Variants in BSCL2 observed in about 807,000 individuals in gnomAD.
BSCL2 encodes the protein seipin.
BSCL2 carries 41 observed loss-of-function variants against 57.4 expected under a neutral mutation model. The ratio of observed to expected loss-of-function variants is 0.71; its 90% CI spans 0.56 to 0.93. The LOEUF (loss-of-function observed/expected upper bound fraction) is 0.93. BSCL2 is among the 40% of genes least tolerant of loss of function. The probability of loss-of-function intolerance (pLI) is 0.00; values close to 1 mark genes in which losing one functional copy is unlikely to be tolerated. For missense variants in BSCL2, 539 were observed against 586.7 expected, an observed-to-expected ratio of 0.92 and a Z score of 0.84; for synonymous variants, 237 against 227.3, an observed-to-expected ratio of 1.04 and a Z score of -0.38.
In BSCL2 at chr11:62,691,144, G is replaced by A. The variant is rs1223426831; in HGVS notation, c.1006-3C>T. ...TTGTCTCTTTTTCGGATGTTAACCTGTGGAGGAAAAACTACTGAGCAGCCA... is the reference window on the plus strand; with the variant it reads ...TTGTCTCTTTTTCGGATGTTAACCTATGGAGGAAAAACTACTGAGCAGCCA... On this transcript the variant is annotated splice_region_variant and splice_polypyrimidine_tract_variant and intron_variant, in intron 7 of 10. Transcript: ENST00000360796. 4 of 1,614,204 alleles carry A rather than the reference G, an allele frequency of 2.5e-6. No individual in the cohort carries two copies. The highest frequency in any genetic ancestry group is 3.4e-6 in the Non-Finnish European group (4 of 1,180,038).
chr11:62,704,531 G>T (rs1362419660), intron 2 of BSCL2, among the ~76,000 whole-genome samples: 1 of 151,794 alleles, frequency 6.6e-6, no homozygotes, highest in African/African-American at 2.4e-5. Flanking sequence ...GGGCGACAGA[G>T]CAAGACTCCA....
In BSCL2 at chr11:62,705,303, G is replaced by A. The variant is rs557044760; in HGVS notation, c.402C>T (p.Tyr134=). Residue 134 remains tyrosine (Y), a splice_region_variant and synonymous_variant, in exon 2 of 11, where the codon TAC becomes TAT. Transcript: ENST00000360796. The part of the protein sequence containing the change: ...VSHLSPVHFY[Y]RTDCDSSTTS... ...TTTTGATAGAAGGCCCCTCTCACCT[G>A]TAGTAGAAATGCACAGGGCTGAGGT... is the stretch of plus-strand genomic sequence containing the variant. The A allele has an allele frequency of 5.0e-6, 8 of 1,609,882 alleles. No individual in the cohort carries two copies. The highest frequency in any genetic ancestry group is 3.3e-4 in the Middle Eastern group (2 of 6,054).
chr11:62,699,252 C>A (rs1214411658), intron 3 of BSCL2, among the ~76,000 whole-genome samples: 2 of 151,314 alleles, frequency 1.3e-5, no homozygotes, highest in Non-Finnish European at 2.9e-5. Flanking sequence ...GGCTGGAGTG[C>A]AGTGGCGCGA....
At chr11:62,708,164 G>A (rs2083574330), upstream of BSCL2, 9 of 705,978 alleles carry the variant, frequency 1.3e-5, no homozygotes, top group South Asian at 1.4e-4. Flanking sequence ...TCCACTGGAG[G>A]AGGAGGAGGA....
intron 3 of BSCL2, 55 bp downstream of exon 3, chr11:62,702,413 C>T: frequency 6.7e-7 from 1 of 1,496,198 alleles, no homozygotes; most frequent in South Asian, 1.1e-5. Flanking sequence ...CTCAAGTCTT[C>T]CTATTTTGAG....
At chr11:62,709,208 C>T (rs895295836), upstream of BSCL2, 4 of 456,490 alleles carry the variant, frequency 8.8e-6, no homozygotes, top group Middle Eastern at 6.9e-4. Flanking sequence ...CTCAGGACAG[C>T]TCCTGTGTTA....
At chr11:62,696,274 C>CTTTT (rs754106502) in intron 3 of BSCL2, among the ~76,000 whole-genome samples, 1,307 of 85,194 alleles carry the variant, frequency 0.015, 9 homozygotes, top group East Asian at 0.018. Flanking sequence ...GCTTCATAAA[C>CTTTT]TTTTTGTGTG....
At chr11:62,703,657 A>G (rs2134734115) in intron 2 of BSCL2, among the ~76,000 whole-genome samples, 1 of 151,766 alleles carries the variant, frequency 6.6e-6, no homozygotes, top group East Asian at 2.0e-4. Flanking sequence ...GGCCGTATAT[A>G]TGTTTTTATG....
At chr11:62,698,646 T>A (rs1042758591) in intron 3 of BSCL2, among the ~76,000 whole-genome samples, 1 of 152,232 alleles carries the variant, frequency 6.6e-6, no homozygotes, top group Non-Finnish European at 1.5e-5. Context: ...TTTCATTCAT[T>A]AATTCATTTA....
chr11:62,691,226 CCT>C, intron 7 of BSCL2, 52 bp downstream of exon 7: 4 of 1,614,088 alleles, frequency 2.5e-6, no homozygotes, highest in South Asian at 2.2e-5. Context: ...CCAACATACC[CCT>C]GACCACCCAC....
chr11:62,691,090 A>T lies in BSCL2; in HGVS notation c.1057T>A (p.Ser353Thr), dbSNP rs769769807. ...ACACCTTTACCTGGCTGATGAGCAG[A>T]GATCCTTCGTTGGACTTCCTTCCGG... is the stretch of plus-strand genomic sequence containing the variant. ...NSRKEVQRRI[S>T]AHQPGPEGQE... Residue 353 changes from serine to threonine, a missense_variant, in exon 8 of 11, where the codon TCT becomes ACT. Ser to Thr is a moderately conservative substitution (Grantham distance 58). Coordinates refer to ENST00000360796, the MANE Select transcript of BSCL2 (RefSeq NM_001122955.4). The T allele has an allele frequency of 6.2e-7, 1 of 1,614,240 alleles. No individual in the cohort carries two copies. The highest frequency in any genetic ancestry group is 8.5e-7 in the Non-Finnish European group (1 of 1,180,050).
chr11:62,708,924 C>T, upstream of BSCL2: 1 of 781,818 alleles, frequency 1.3e-6, no homozygotes, highest in Non-Finnish European at 2.2e-6. Flanking sequence ...CTTGCCTGAC[C>T]ATGTGAGGTT....
chr11:62,707,488 C>G (rs1366747003), upstream of BSCL2: 5 of 649,682 alleles, frequency 7.7e-6, no homozygotes, highest in Non-Finnish European at 1.4e-5. Context: ...CCAGACCACG[C>G]CATTTGAGAG....
chr11:62,694,809 T>A, intron 3 of BSCL2, 98 bp from the exon 4 acceptor site: 1 of 1,396,936 alleles, frequency 7.2e-7, no homozygotes. Flanking sequence ...CGCCCCCAAA[T>A]ACTCAGCCAC....
chr11:62,696,281 TGTGTGTGTG>T (rs1565147172), intron 3 of BSCL2, among the ~76,000 whole-genome samples: 1 of 145,150 alleles, frequency 6.9e-6, no homozygotes, highest in Non-Finnish European at 1.5e-5. Flanking sequence ...AAACTTTTTG[TGTGTGTGTG>T]TGTGTGTGTG....
chr11:62,706,563 C>G (rs1415554408), intron 1 of BSCL2: 4 of 464,180 alleles, frequency 8.6e-6, no homozygotes, highest in African/African-American at 8.0e-5. Flanking sequence ...CTGACTGCAG[C>G]CTCCGCTCGG....
At chr11:62,708,836 C>G, upstream of BSCL2, 1 of 1,554,688 alleles carries the variant, frequency 6.4e-7, no homozygotes, top group Non-Finnish European at 8.9e-7. Flanking sequence ...CAACTCCTCC[C>G]TTTTCCCTCT....
chr11:62,692,602 A>G, intron 5 of BSCL2, 61 bp downstream of exon 5: 1 of 1,613,090 alleles, frequency 6.2e-7, no homozygotes, highest in Admixed American at 1.7e-5. Context: ...CTTCTCAGGT[A>G]GAATCCTGGG....
At chr11:62,700,528 C>A (rs1244257315) in intron 3 of BSCL2, among the ~76,000 whole-genome samples, 1 of 152,104 alleles carries the variant, frequency 6.6e-6, no homozygotes, top group East Asian at 1.9e-4. Flanking sequence ...GTAACCCCAG[C>A]TACTTGGGAG....
Sources: gnomAD v4.1 joint callset for allele counts (sites outside exome capture counted in the v4.1 genomes callset) on GRCh38, gnomAD v4.1.1 for gene constraint, MANE v1.5 for transcripts, NCBI Gene and HGNC (gene_info 2026-07-23, HGNC 2026-07-21) for gene names.